The following PLCH2 variants were observed in gnomAD, a reference collection of about 807,000 sequenced individuals.
PLCH2 encodes the protein phospholipase C eta 2, also known as 1-phosphatidylinositol 4,5-bisphosphate phosphodiesterase eta-2.
PLCH2 carries 98 observed loss-of-function variants against 134.7 expected under a neutral mutation model. The ratio of observed to expected loss-of-function variants is 0.73; its 90% CI spans 0.62 to 0.86. PLCH2 has a LOEUF of 0.86. Among genes scored for constraint, PLCH2 ranks in the 40% least tolerant of loss-of-function variants. The probability of loss-of-function intolerance (pLI) is 0.00; values close to 1 mark genes in which losing one functional copy is unlikely to be tolerated. For synonymous variants in PLCH2, 974 were observed against 827.5 expected (o/e 1.18, Z -3.04); for missense variants, 1,994 against 1,986.6 (o/e 1.00, Z -0.07).
At chr1:2,420,638 G>A in the PLCH2 span, among the ~76,000 whole-genome samples, 2 of 152,220 alleles carry the variant, frequency 1.3e-5, no homozygotes, top group African/African-American at 4.8e-5. Context: ...AACTGAGTCA[G>A]AGAGGGAGAG....
At chr1:2,419,466 G>A in the PLCH2 span, among the ~76,000 whole-genome samples, 3 of 152,144 alleles carry the variant, frequency 2.0e-5, no homozygotes, top group Admixed American at 6.5e-5. Context: ...TCTGAGGCCC[G>A]GGCCTCGGCC....
rs367701241 is a variant in PLCH2 at position 2,498,749 on chromosome 1, C to T, written c.2355C>T (p.Ile785=). 4.4e-5 allele frequency: 71 copies of T among 1,609,068 alleles called. No homozygotes were observed. Among genetic ancestry groups the T allele is most frequent in the African/African-American group, 1.2e-4 (9 of 74,856 alleles). ...CCCCCACTCCTGTGTCCCAGATCAT[C>T]GACCCCTTTGTGGAGGTGGAGATCA... ...DSMLGDRGEI[I]DPFVEVEIIG... The change falls in exon 18 of 22, where the codon ATC becomes ATT. Residue 785 remains isoleucine, a synonymous_variant. Coordinates refer to ENST00000378486, the MANE Select transcript of PLCH2 (RefSeq NM_014638.4). The surrounding 1 kb of genome is among the most constrained non-coding windows in gnomAD (Gnocchi z 5.4).
intron 1 of PLCH2, among the ~76,000 whole-genome samples, chr1:2,478,183 G>A (rs1641742653): frequency 1.3e-5 from 2 of 152,214 alleles, no homozygotes; most frequent in African/African-American, 4.8e-5. Flanking sequence ...CGAGCAGGGT[G>A]GGGAGCAGGG....
intron 1 of PLCH2, among the ~76,000 whole-genome samples, chr1:2,426,490 G>C (rs556825430): frequency 2.0e-5 from 3 of 152,226 alleles, no homozygotes; most frequent in Admixed American, 6.5e-5. Flanking sequence ...GGTCCTGGGG[G>C]CCTTTCCCTC....
At chr1:2,451,011 G>A (rs563460333) in intron 2 of PLCH2, among the ~76,000 whole-genome samples, 16 of 152,060 alleles carry the variant, frequency 1.1e-4, no homozygotes, top group East Asian at 2.0e-4. Context: ...TAGGGATGTC[G>A]GCTCCCAGGA....
In PLCH2 at chr1:2,496,978, C is replaced by G; in HGVS notation, c.2084C>G (p.Pro695Arg). 6.2e-7 allele frequency: 1 copy of G among 1,613,314 alleles called. No homozygotes were observed. Among genetic ancestry groups the G allele is most frequent in the South Asian group, 1.1e-5 (1 of 91,088 alleles). The change falls in exon 15 of 22, where the codon CCG becomes CGG. Residue 695 changes from proline (P) to arginine (R), a missense_variant. Transcript: ENST00000378486. ...CGTGTGGACTCCAGCAACTACAACC[C>G]GCAGCCCTTCTGGAACGCCGGCTGC... ...SYRVDSSNYNPQPFWNAGCQM... is the reference protein window; with the variant it reads ...SYRVDSSNYNRQPFWNAGCQM...
intron 8 of PLCH2, among the ~76,000 whole-genome samples, chr1:2,488,659 A>T (rs12753298): frequency 0.11 from 16,602 of 152,318 alleles, 983 homozygotes; most frequent in East Asian, 0.15. Context: ...AAAGCTTATA[A>T]TTAAAAGTCC....
rs1188856265 is a variant in PLCH2, at chr1:2,505,234, G to C, written c.*21G>C. On this transcript the variant is annotated 3_prime_UTR_variant, in exon 22 of 22. Coordinates refer to ENST00000378486, the MANE Select transcript of PLCH2 (RefSeq NM_014638.4). ...TCTGACCGTCAGTGGTGGGAACCTGGGCGGCTCTGGAGGCCCAGGGCAGGG... is the reference window on the plus strand; with the variant it reads ...TCTGACCGTCAGTGGTGGGAACCTGCGCGGCTCTGGAGGCCCAGGGCAGGG... 2 of 1,547,756 alleles carry C rather than the reference G, an allele frequency of 1.3e-6. No individual in the cohort carries two copies. Among genetic ancestry groups the C allele is most frequent in the Admixed American group, 3.7e-5 (2 of 53,566 alleles).
At chr1:2,416,961 C>G in the PLCH2 span, among the ~76,000 whole-genome samples, 1 of 152,036 alleles carries the variant, frequency 6.6e-6, no homozygotes, top group Admixed American at 6.5e-5. Context: ...CTGGGCTGCT[C>G]TTAGGACCTT....
Position 2,495,508 on chromosome 1 carries a change from G to A in PLCH2, c.1773G>A (p.Lys591=), listed in dbSNP as rs1642835999. The A allele has an allele frequency of 2.6e-6, 4 of 1,552,012 alleles. No homozygotes were observed. Among genetic ancestry groups the A allele is most frequent in the African/African-American group, 1.4e-5 (1 of 73,028 alleles). Residue 591 remains lysine, a synonymous_variant, in exon 13 of 22, where the codon AAG becomes AAA. Transcript: ENST00000378486. The part of the protein sequence containing the change: ...SRRKKKGSKL[K]KAASVEEGDE... ...CACAGAAGAAGGGCAGCAAGCTGAA[G>A]AAGGCGGCCAGCGTGGAGGAGGGAG... is the stretch of plus-strand genomic sequence containing the variant.
chr1:2,474,064 G>A (rs571216631), upstream of PLCH2, among the ~76,000 whole-genome samples: 116 of 152,336 alleles, frequency 7.6e-4, no homozygotes, highest in Non-Finnish European at 1.4e-3. Context: ...CAGGATGGCC[G>A]GGCCCTGGCT....
chr1:2,505,085 G>C lies in PLCH2; in HGVS notation c.4123G>C (p.Glu1375Gln). The C allele has an allele frequency of 6.5e-7, 1 of 1,539,376 alleles. No homozygotes were observed. Among genetic ancestry groups the C allele is most frequent in the Non-Finnish European group, 8.7e-7 (1 of 1,150,242 alleles). The change falls in exon 22 of 22, where the codon GAG becomes CAG. Residue 1375 changes from glutamate to glutamine, a missense_variant. By Grantham distance (29) the Glu-to-Gln change is conservative. Coordinates refer to ENST00000378486, the MANE Select transcript of PLCH2 (RefSeq NM_014638.4). ...GGGCCGGCAGGGACCCCCAGAAGAG[G>C]AGCGGGGCACCCCCGAGGGCGCCTG... ...GLGRQGPPEE[E>Q]RGTPEGACSV...
chr1:2,505,227 G>C lies in PLCH2; in HGVS notation c.*14G>C, dbSNP rs1486633242. On this transcript the variant is annotated 3_prime_UTR_variant, in exon 22 of 22. Transcript: ENST00000378486. ...CTCCGCCTCTGACCGTCAGTGGTGG[G>C]AACCTGGGCGGCTCTGGAGGCCCAG... The C allele has an allele frequency of 6.4e-7, 1 of 1,555,896 alleles. No homozygotes were observed.
chr1:2,480,416 C>T (rs545213663), intron 4 of PLCH2, 104 bp downstream of exon 4: 1 of 1,281,678 alleles, frequency 7.8e-7, no homozygotes, highest in East Asian at 2.3e-5. Context: ...GGAGGGGACC[C>T]TGGCAGTGCC....
intron 16 of PLCH2, 115 bp downstream of exon 16, chr1:2,497,724 G>C: frequency 1.4e-6 from 1 of 727,276 alleles, no homozygotes; most frequent in Non-Finnish European, 2.3e-6. Context: ...GGGCGGCTTT[G>C]GCAGAGTCCC....
chr1:2,498,518 C>A lies in PLCH2; in HGVS notation c.2225-5C>A. ...CCACTGACCACCTCCCCGGCATCCC[C>A]TCAGGCGTGTTCAACCCCAACTCGG... On this transcript the variant is annotated splice_region_variant and splice_polypyrimidine_tract_variant and intron_variant, in intron 16 of 21. Transcript: ENST00000378486. The surrounding 1 kb of genome is among the most constrained non-coding windows in gnomAD (Gnocchi z 5.4). 1 of 1,607,602 alleles carries A rather than the reference C, an allele frequency of 6.2e-7. No homozygotes were observed.
In PLCH2 at chr1:2,483,775, TGACCCCCGTTTGGGGG is replaced by T. The variant is rs1442500023; in HGVS notation, c.646-671_646-656del. On this transcript the variant is annotated intron_variant, in intron 4 of 21. Coordinates refer to ENST00000378486, the MANE Select transcript of PLCH2 (RefSeq NM_014638.4). ...TGTTGACCCCCGTTTGGGGGGGCGC[TGACCCCCGTTTGGGGG>T]GGCGCTGACCCCCGTGTGGGGGTGG... 3.9e-5 allele frequency among the ~76,000 whole-genome samples: 5 copies of T among 128,168 alleles called. 1 individual carries two copies. The highest frequency in any genetic ancestry group is 7.7e-5 in the Admixed American group (1 of 12,990). The allele number at this position is 128,168 out of a possible 152,430, so 84.1% of individuals were successfully genotyped here.
intron 1 of PLCH2, among the ~76,000 whole-genome samples, chr1:2,427,789 C>T (rs1370136506): frequency 2.0e-5 from 3 of 152,122 alleles, no homozygotes; most frequent in Non-Finnish European, 4.4e-5. Flanking sequence ...GAAGTGGGAG[C>T]CCTCCAGAAG....
At position 2,489,807 on chromosome 1, in the gene PLCH2, G is replaced by A. The variant is rs1439384985; in HGVS notation, c.1455G>A (p.Glu485=). ...TCAGCGAGGATGCGGAGGAAGGCGA[G>A]GTGTCTGATGAGGACAGTGCTGATG... ...ANISEDAEEG[E]VSDEDSADEI... is the part of the protein sequence containing the mutation. Residue 485 remains glutamate, a synonymous_variant, in exon 10 of 22, where the codon GAG becomes GAA. Transcript: ENST00000378486. The A allele has an allele frequency of 1.2e-6, 2 of 1,613,762 alleles. No individual in the cohort carries two copies. Among genetic ancestry groups the A allele is most frequent in the Middle Eastern group, 1.6e-4 (1 of 6,062 alleles).
Sources: allele counts gnomAD v4.1 joint callset (sites outside exome capture counted in the v4.1 genomes callset), GRCh38; gene constraint gnomAD v4.1.1; non-coding constraint Gnocchi (gnomAD v3.1); transcripts MANE v1.5; gene names NCBI Gene and HGNC (gene_info 2026-07-23, HGNC 2026-07-21).